PERP: variants seen among roughly 807,000 people sequenced by gnomAD.
PERP encodes p53 apoptosis effector related to PMP-22.
PERP carries 11 observed loss-of-function variants against 20.3 expected under a neutral mutation model. The observed-to-expected ratio is 0.54, with a 90% CI of 0.34 to 0.90. The LOEUF is 0.90. Among genes scored for constraint, PERP ranks in the 40% least tolerant of loss-of-function variants. The pLI is 0.02. For missense variants in PERP, 224 were observed against 249.4 expected, an observed-to-expected ratio of 0.90 and a Z score of 0.69; for synonymous variants, 101 against 102.0, an observed-to-expected ratio of 0.99 and a Z score of 0.06.
chr6:138,106,642 G>A (rs1190723084), intron 1 of PERP, among the ~76,000 whole-genome samples: 6 of 152,188 alleles, frequency 3.9e-5, no homozygotes, highest in Non-Finnish European at 7.4e-5. Context: ...AAAACTGCCT[G>A]AAAGGGCTTT....
intron 1 of PERP, among the ~76,000 whole-genome samples, chr6:138,102,249 G>A (rs1050825045): frequency 6.6e-6 from 1 of 152,156 alleles, no homozygotes; most frequent in African/African-American, 2.4e-5. Context: ...TCTAATCAAC[G>A]AGGGGAGAAG....
At chr6:138,105,964 C>T (rs569652930) in intron 1 of PERP, among the ~76,000 whole-genome samples, 68 of 152,266 alleles carry the variant, frequency 4.5e-4, no homozygotes, top group African/African-American at 1.6e-3. Context: ...TAATGGGGAC[C>T]ATGCTTCCTT....
chr6:138,099,906 T>G (rs949284859), intron 1 of PERP, among the ~76,000 whole-genome samples: 1 of 152,226 alleles, frequency 6.6e-6, no homozygotes, highest in Non-Finnish European at 1.5e-5. Context: ...TTTAAAGTGC[T>G]GAGTCTAAAG....
chr6:138,100,090 C>T lies in PERP; in HGVS notation c.215-3596G>A, dbSNP rs145308240. ...AAGATCCTGACTGATGAATAACAGA[C>T]GTCTTCAAGTAAAGCAATCTGCCTT... On this transcript the variant is annotated intron_variant, in intron 1 of 2. Coordinates refer to ENST00000421351, the MANE Select transcript of PERP (RefSeq NM_022121.5). 3.3e-5 allele frequency among the ~76,000 whole-genome samples: 5 copies of T among 152,322 alleles called. No individual in the cohort carries two copies. The East Asian group carries it at 9.6e-4, about 29-fold the overall frequency.
intron 2 of PERP, among the ~76,000 whole-genome samples, chr6:138,093,218 G>T (rs73774616): frequency 6.6e-6 from 1 of 152,190 alleles, no homozygotes; most frequent in African/African-American, 2.4e-5. Flanking sequence ...TCTGATTTTA[G>T]CTCTTTCACC....
chr6:138,103,045 G>A (rs967257727), intron 1 of PERP, among the ~76,000 whole-genome samples: 1 of 150,952 alleles, frequency 6.6e-6, no homozygotes, highest in Non-Finnish European at 1.5e-5. Context: ...CTTGCAGTGA[G>A]CAGAGATTGT....
At chr6:138,102,228 T>C (rs566041188) in intron 1 of PERP, among the ~76,000 whole-genome samples, 1 of 152,240 alleles carries the variant, frequency 6.6e-6, no homozygotes, top group African/African-American at 2.4e-5. Flanking sequence ...AACCTTCTTT[T>C]AGACGATTTA....
At chr6:138,105,723 AACAC>A (rs1246866225) in intron 1 of PERP, among the ~76,000 whole-genome samples, 2 of 152,260 alleles carry the variant, frequency 1.3e-5, no homozygotes, top group African/African-American at 4.8e-5. Flanking sequence ...TATGTTTAAA[AACAC>A]ACACGCAGAT....
At chr6:138,095,011 A>G (rs1314765932) in intron 2 of PERP, among the ~76,000 whole-genome samples, 1 of 152,178 alleles carries the variant, frequency 6.6e-6, no homozygotes, top group African/African-American at 2.4e-5. Flanking sequence ...ATGAGCCACC[A>G]CACCTGGCCT....
In PERP at chr6:138,092,561, A is replaced by G. The variant is rs1018908000; in HGVS notation, c.356-293T>C. On this transcript the variant is annotated intron_variant, in intron 2 of 2. Coordinates refer to ENST00000421351, the MANE Select transcript of PERP (RefSeq NM_022121.5). Reference sequence around the variant, plus strand: ...ATTACATAAGCATTATATATACTAAAGCAAAAAAGTGCAAAACTGTGGCAT... The same window carrying G: ...ATTACATAAGCATTATATATACTAAGGCAAAAAAGTGCAAAACTGTGGCAT... Among the ~76,000 whole-genome samples the G allele has an allele frequency of 3.3e-5, 5 of 152,234 alleles. No individual in the cohort carries two copies. In the East Asian group the frequency reaches 9.6e-4, roughly 29 times the overall value.
At chr6:138,096,670 C>G (rs904897629) in intron 1 of PERP, among the ~76,000 whole-genome samples, 176 bp from the exon 2 acceptor site, 1 of 152,090 alleles carries the variant, frequency 6.6e-6, no homozygotes, top group Admixed American at 6.6e-5. Flanking sequence ...GAAGAACAGG[C>G]AATTCATATG....
intron 1 of PERP, among the ~76,000 whole-genome samples, chr6:138,100,122 T>G (rs956490308): frequency 3.9e-5 from 6 of 152,214 alleles, no homozygotes; most frequent in Non-Finnish European, 5.9e-5. Context: ...CCTTCTCATG[T>G]CAGTGACCAT....
chr6:138,099,714 T>C (rs1775744826), intron 1 of PERP, among the ~76,000 whole-genome samples: 1 of 152,246 alleles, frequency 6.6e-6, no homozygotes, highest in Non-Finnish European at 1.5e-5. Flanking sequence ...ACTATTATAC[T>C]TCCTCTAACA....
intron 2 of PERP, 23 bp from the exon 3 acceptor site, chr6:138,092,291 A>C: frequency 6.3e-7 from 1 of 1,583,562 alleles, no homozygotes; most frequent in African/African-American, 1.3e-5. Flanking sequence ...AAAAAATCCC[A>C]GGGTATGAAT....
In PERP at chr6:138,096,479, G is replaced by A. The variant is rs545423525; in HGVS notation, c.230C>T (p.Ala77Val). 1.5e-5 allele frequency: 24 copies of A among 1,613,176 alleles called. No homozygotes were observed. Among genetic ancestry groups the A allele is most frequent in the Middle Eastern group, 1.7e-4 (1 of 6,058 alleles). ...GAAGCCACAGAAGAGCATGGCAGCC[G>A]CTGCTCTACCCCACGCTGCAAGAAA... ...SLMEYAWGRA[A>V]AAMLFCGFII... Residue 77 changes from alanine (A) to valine (V), a missense_variant, in exon 2 of 3, where the codon GCG becomes GTG. Transcript: ENST00000421351.
intron 2 of PERP, among the ~76,000 whole-genome samples, chr6:138,094,901 A>G (rs747045946): frequency 5.3e-5 from 8 of 152,052 alleles, no homozygotes; most frequent in Non-Finnish European, 1.0e-4. Flanking sequence ...TTGTATTTTT[A>G]GTAGAGATGG....
intron 1 of PERP, among the ~76,000 whole-genome samples, chr6:138,101,144 A>G (rs1257184223): frequency 3.3e-5 from 5 of 152,194 alleles, no homozygotes; most frequent in African/African-American, 1.2e-4. Context: ...AGGCCGAGAA[A>G]GGTCACGTGA....
Position 138,090,378 on chromosome 6 carries a change from G to C in PERP, c.*1664C>G, listed in dbSNP as rs537366526. The C allele has an allele frequency of 2.0e-5, 3 of 152,138 alleles. No individual in the cohort carries two copies. Among genetic ancestry groups the C allele is most frequent in the African/African-American group, 7.2e-5 (3 of 41,396 alleles). 9.4% of individuals were successfully genotyped at this position (152,138 alleles called of 1,614,324 possible). A position where few individuals can be genotyped will look rare whatever the true frequency, so the allele number is the denominator to read the frequency against. Reference sequence around the variant, plus strand: ...ATAACAAATGATAAAATGGGAAGGAGGGCAAGGGGAAAATAGAGAGACTGC... The same window carrying C: ...ATAACAAATGATAAAATGGGAAGGACGGCAAGGGGAAAATAGAGAGACTGC... On this transcript the variant is annotated 3_prime_UTR_variant, in exon 3 of 3. Transcript: ENST00000421351.
At chr6:138,096,314 C>T in intron 2 of PERP, 40 bp downstream of exon 2, 1 of 1,609,782 alleles carries the variant, frequency 6.2e-7, no homozygotes, top group Non-Finnish European at 8.5e-7. Flanking sequence ...TCGATGCCCA[C>T]TGAAGGCATA....
Sources: allele counts gnomAD v4.1 joint callset (sites outside exome capture counted in the v4.1 genomes callset), GRCh38; gene constraint gnomAD v4.1.1; transcripts MANE v1.5; gene names NCBI Gene and HGNC (gene_info 2026-07-23, HGNC 2026-07-21).